The following ZSCAN25 variants were observed in gnomAD, a reference collection of about 807,000 sequenced individuals.
The protein encoded by ZSCAN25 is zinc finger and SCAN domain-containing protein 25.
ZSCAN25 carries 27 observed loss-of-function variants against 38.7 expected under a neutral mutation model. That is an observed-to-expected ratio of 0.70 (90% confidence interval 0.51 to 0.96). The LOEUF is 0.96. Among genes scored for constraint, ZSCAN25 ranks in the 40% least tolerant of loss-of-function variants. The pLI, the probability that ZSCAN25 is intolerant of heterozygous loss-of-function variation, is 0.00. For synonymous variants in ZSCAN25, 273 were observed against 277.7 expected (o/e 0.98, Z 0.17); for missense variants, 637 against 705.9 (o/e 0.90, Z 1.11).
chr7:99,647,190 G>A, the ZSCAN25 span, among the ~76,000 whole-genome samples: 1 of 152,164 alleles, frequency 6.6e-6, no homozygotes, highest in Non-Finnish European at 1.5e-5. Flanking sequence ...GCTCTTGAAG[G>A]CCACACCTCT....
At chr7:99,696,500 T>C in the ZSCAN25 span, among the ~76,000 whole-genome samples, 1 of 152,186 alleles carries the variant, frequency 6.6e-6, no homozygotes, top group Non-Finnish European at 1.5e-5. Context: ...ATTGGCCTCG[T>C]AGAAATGCAA....
chr7:99,703,359 A>G, the ZSCAN25 span, among the ~76,000 whole-genome samples: 3 of 152,276 alleles, frequency 2.0e-5, no homozygotes, highest in African/African-American at 7.2e-5. Flanking sequence ...GTTCCTTTCC[A>G]TGGAATATGG....
chr7:99,644,080 A>G, the ZSCAN25 span, among the ~76,000 whole-genome samples: 1 of 152,122 alleles, frequency 6.6e-6, no homozygotes, highest in South Asian at 2.1e-4. Flanking sequence ...GATGGTCATC[A>G]GTGTTCTTTC....
At chr7:99,670,317 A>G in the ZSCAN25 span, among the ~76,000 whole-genome samples, 2 of 152,194 alleles carry the variant, frequency 1.3e-5, no homozygotes, top group Admixed American at 1.3e-4. Context: ...ACTTAACAAT[A>G]CAATGTTTCA....
At chr7:99,722,337 CG>C in the ZSCAN25 span, 1 of 1,613,510 alleles carries the variant, frequency 6.2e-7, no homozygotes, top group Non-Finnish European at 8.5e-7. Context: ...CCATGTCAAA[CG>C]TCCAATAGCC....
chr7:99,736,254 G>A, the ZSCAN25 span, among the ~76,000 whole-genome samples: 45 of 152,214 alleles, frequency 3.0e-4, no homozygotes, highest in Non-Finnish European at 1.8e-4. Flanking sequence ...AGATGGCCAG[G>A]TTGACCCAAA....
Position 99,630,824 on chromosome 7 carries a change from G to C in ZSCAN25, c.*804G>C. 1.0e-6 allele frequency: 1 copy of C among 985,352 alleles called. No individual in the cohort carries two copies. Among genetic ancestry groups the C allele is most frequent in the Non-Finnish European group, 1.2e-6 (1 of 829,876 alleles). 61.0% of individuals were successfully genotyped at this position (985,352 alleles called of 1,614,324 possible). A position where few individuals can be genotyped will look rare whatever the true frequency, so the allele number is the denominator to read the frequency against. ...ATTAGGAAGTTAGTATTTTGCTATTGATCACTGAATAAACATCAGAGTATT... is the reference window on the plus strand; with the variant it reads ...ATTAGGAAGTTAGTATTTTGCTATTCATCACTGAATAAACATCAGAGTATT... On this transcript the variant is annotated 3_prime_UTR_variant, in exon 8 of 8. Coordinates refer to ENST00000394152, the MANE Select transcript of ZSCAN25 (RefSeq NM_145115.3).
At chr7:99,695,830 G>C in the ZSCAN25 span, 9 of 1,613,566 alleles carry the variant, frequency 5.6e-6, no homozygotes, top group Non-Finnish European at 6.8e-6. Flanking sequence ...CATGTGAATG[G>C]GCTCCATATC....
the ZSCAN25 span, chr7:99,708,907 T>G: frequency 8.8e-7 from 1 of 1,131,450 alleles, no homozygotes; most frequent in Non-Finnish European, 1.3e-6. Flanking sequence ...ATTTCATGAT[T>G]TGAAAAAACC....
the ZSCAN25 span, chr7:99,705,300 A>G: frequency 1.7e-6 from 1 of 575,598 alleles, no homozygotes; most frequent in African/African-American, 1.9e-5. Context: ...TGATTTGGTC[A>G]TCTCCTCTAT....
chr7:99,671,511 T>A, the ZSCAN25 span: 1 of 301,390 alleles, frequency 3.3e-6, no homozygotes, highest in African/African-American at 2.2e-5. Flanking sequence ...TCCAAAATGG[T>A]GTTGGAACAT....
At chr7:99,651,469 G>T in the ZSCAN25 span, among the ~76,000 whole-genome samples, 2 of 152,060 alleles carry the variant, frequency 1.3e-5, no homozygotes, top group Admixed American at 6.6e-5. Flanking sequence ...CACAGGAGGT[G>T]GAAGTGCTGA....
intron 4 of ZSCAN25, 50 bp downstream of exon 4, chr7:99,620,043 T>A: frequency 6.5e-7 from 1 of 1,530,020 alleles, no homozygotes; most frequent in Non-Finnish European, 8.7e-7. Context: ...GGGCAGGGAA[T>A]GTTAAAGAAT....
chr7:99,644,050 T>A, the ZSCAN25 span, among the ~76,000 whole-genome samples: 2 of 152,028 alleles, frequency 1.3e-5, no homozygotes, highest in Admixed American at 6.6e-5. Flanking sequence ...AGGGAATGGG[T>A]TAAGGCAAAA....
the ZSCAN25 span, chr7:99,715,993 G>A: frequency 1.9e-6 from 3 of 1,609,746 alleles, 1 homozygote; most frequent in Non-Finnish European, 2.5e-6. Flanking sequence ...CACATGTCCA[G>A]TCAAGACAGA....
the ZSCAN25 span, chr7:99,695,662 C>T: frequency 8.6e-7 from 1 of 1,158,564 alleles, no homozygotes; most frequent in Non-Finnish European, 1.3e-6. Flanking sequence ...AGACCTTCCT[C>T]CTGAGGAGAA....
At chr7:99,660,214 CTTTTTTTTTTTTTTTTTT>C in the ZSCAN25 span, 366 of 429,940 alleles carry the variant, frequency 8.5e-4, 2 homozygotes, top group African/African-American at 0.015. Context: ...CGCCACACTC[CTTTTTTTTTTTTTTTTTT>C]TTTTTTTTTT....
the ZSCAN25 span, among the ~76,000 whole-genome samples, chr7:99,637,480 ATTT>A: frequency 6.6e-6 from 1 of 152,106 alleles, no homozygotes; most frequent in Middle Eastern, 3.2e-3. Context: ...ACACTTTCAT[ATTT>A]TTATGCAGTG....
chr7:99,635,495 C>T (rs183796955), downstream of ZSCAN25, among the ~76,000 whole-genome samples: 948 of 152,178 alleles, frequency 6.2e-3, 6 homozygotes, highest in African/African-American at 0.022. Context: ...CTCTTATATC[C>T]TTAAAGAAAA....
Sources: gnomAD v4.1 joint callset for allele counts (sites outside exome capture counted in the v4.1 genomes callset) on GRCh38, gnomAD v4.1.1 for gene constraint, MANE v1.5 for transcripts, NCBI Gene and HGNC (gene_info 2026-07-23, HGNC 2026-07-21) for gene names.